Variants in CFAP299 observed in about 807,000 individuals in gnomAD.
CFAP299 encodes the protein cilia- and flagella-associated protein 299.
Under a neutral mutation model 27.0 loss-of-function variants are expected in CFAP299, and 21 were observed. The ratio of observed to expected loss-of-function variants is 0.78; its 90% confidence interval spans 0.55 to 1.12. The LOEUF is 1.12. Among genes scored for constraint, CFAP299 ranks in the 50% most tolerant of loss-of-function variants. CFAP299 has a pLI of 0.00. For synonymous variants in CFAP299, 104 were observed against 98.1 expected (o/e 1.06, Z -0.36); for missense variants, 310 against 276.6 (o/e 1.12, Z -0.86).
Position 80,640,218 on chromosome 4 carries a change from C to T in CFAP299, c.333+57035C>T, listed in dbSNP as rs552062941. Reference sequence around the variant, plus strand: ...CTGCCCAGGAGTTATGGCTATGAAGCCGGCTCTGATTTACAACATGCTGGG... The same window carrying T: ...CTGCCCAGGAGTTATGGCTATGAAGTCGGCTCTGATTTACAACATGCTGGG... On this transcript the variant is annotated intron_variant, in intron 3 of 5. Coordinates refer to ENST00000358105, the MANE Select transcript of CFAP299 (RefSeq NM_152770.3). Among the ~76,000 whole-genome samples, 4 of 152,232 alleles carry T rather than the reference C, an allele frequency of 2.6e-5. No individual in the cohort carries two copies. The South Asian group carries it at 8.3e-4, about 32-fold the overall frequency.
rs568362601 is a variant in CFAP299, at chr4:80,446,961, T to A, written c.242+84077T>A. On this transcript the variant is annotated intron_variant, in intron 2 of 5. Transcript: ENST00000358105. The stretch of plus-strand genomic sequence containing the variant: ...TAAGTAAGCATCATGGTTCAGGAAT[T>A]TTTTTTTACATAATCTCAATCAACA... Among the ~76,000 whole-genome samples the A allele has an allele frequency of 4.0e-5, 6 of 151,884 alleles. No homozygotes were observed. The East Asian group carries it at 1.2e-3, about 29-fold the overall frequency.
intron 4 of CFAP299, among the ~76,000 whole-genome samples, chr4:80,912,901 G>A (rs894808057): frequency 4.6e-5 from 7 of 152,250 alleles, no homozygotes; most frequent in Middle Eastern, 3.4e-3. Context: ...TCAAAAACAG[G>A]AGTGCGGAAT....
intron 2 of CFAP299, among the ~76,000 whole-genome samples, chr4:80,514,842 A>C (rs539214082): frequency 6.6e-6 from 1 of 152,206 alleles, no homozygotes; most frequent in East Asian, 1.9e-4. Flanking sequence ...AAATTTCTGG[A>C]ATAAGTAAAA....
At chr4:80,380,846 C>CCAG (rs1207842333) in intron 2 of CFAP299, among the ~76,000 whole-genome samples, 1 of 152,094 alleles carries the variant, frequency 6.6e-6, no homozygotes, top group Non-Finnish European at 1.5e-5. Context: ...TTTACTTGAC[C>CCAG]TCTGCTACTG....
intron 2 of CFAP299, among the ~76,000 whole-genome samples, chr4:80,547,915 A>G (rs537264887): frequency 6.6e-6 from 1 of 152,290 alleles, no homozygotes; most frequent in East Asian, 1.9e-4. Context: ...GAACACCTAT[A>G]CTCTGCTGGT....
At chr4:80,808,030 T>TA (rs34491955) in intron 3 of CFAP299, among the ~76,000 whole-genome samples, 29,685 of 146,764 alleles carry the variant, frequency 0.2, 4,154 homozygotes, top group African/African-American at 0.4. Context: ...AGTGAAGAGT[T>TA]AAAAAAAAAA....
At chr4:80,838,926 T>C (rs1163103269) in intron 3 of CFAP299, among the ~76,000 whole-genome samples, 2 of 152,170 alleles carry the variant, frequency 1.3e-5, no homozygotes, top group Non-Finnish European at 2.9e-5. Context: ...CTTGAATTCA[T>C]CAAAATCCAT....
chr4:80,337,585 A>G (rs1841013), intron 1 of CFAP299, among the ~76,000 whole-genome samples: 98,435 of 151,602 alleles, frequency 0.65, 32,642 homozygotes, highest in Non-Finnish European at 0.72. Context: ...TTTAGCAGAG[A>G]CAGGGTTTCA....
At chr4:80,417,334 G>C (rs36027051) in intron 2 of CFAP299, among the ~76,000 whole-genome samples, 9,847 of 152,118 alleles carry the variant, frequency 0.065, 366 homozygotes, top group South Asian at 0.17. Context: ...TTTATGACCT[G>C]TATCTTTTGC....
intron 3 of CFAP299, among the ~76,000 whole-genome samples, chr4:80,751,513 T>C (rs1223851387): frequency 1.3e-5 from 2 of 152,030 alleles, no homozygotes; most frequent in Admixed American, 6.5e-5. Flanking sequence ...GCCCCAGCCA[T>C]AGAACCATAG....
At chr4:80,567,748 T>C (rs1578610542) in intron 2 of CFAP299, among the ~76,000 whole-genome samples, 1 of 132,444 alleles carries the variant, frequency 7.6e-6, no homozygotes, top group Admixed American at 7.8e-5. Flanking sequence ...TATATATATA[T>C]ATAAGTACAT....
chr4:80,835,245 G>A (rs1010965379), intron 3 of CFAP299, among the ~76,000 whole-genome samples: 2 of 151,968 alleles, frequency 1.3e-5, no homozygotes, highest in African/African-American at 2.4e-5. Flanking sequence ...GACTACAGGC[G>A]CCCGTCACCA....
chr4:80,779,769 T>A (rs1380448231), intron 3 of CFAP299, among the ~76,000 whole-genome samples: 1 of 152,036 alleles, frequency 6.6e-6, no homozygotes, highest in Non-Finnish European at 1.5e-5. Context: ...CACTGTTGTG[T>A]CTTCTCAATC....
intron 2 of CFAP299, among the ~76,000 whole-genome samples, chr4:80,365,936 G>A (rs78031279): frequency 0.072 from 10,989 of 152,232 alleles, 1,180 homozygotes; most frequent in African/African-American, 0.24. Flanking sequence ...GGCTACTTAT[G>A]AGCCAGTTTT....
At chr4:80,640,183 G>T (rs953388055) in intron 3 of CFAP299, among the ~76,000 whole-genome samples, 22 of 152,162 alleles carry the variant, frequency 1.4e-4, no homozygotes, top group Admixed American at 2.6e-4. Context: ...AGTTCATGTT[G>T]CTGGTGTGAC....
chr4:80,690,382 A>G (rs1720582091), intron 3 of CFAP299, among the ~76,000 whole-genome samples: 1 of 152,250 alleles, frequency 6.6e-6, no homozygotes, highest in Non-Finnish European at 1.5e-5. Context: ...ACTCAGGATT[A>G]AGAAACTCAC....
At chr4:80,810,064 C>T (rs1299962544) in intron 3 of CFAP299, among the ~76,000 whole-genome samples, 4 of 151,962 alleles carry the variant, frequency 2.6e-5, no homozygotes, top group African/African-American at 4.8e-5. Flanking sequence ...CATAAGTAAA[C>T]ACTAAAAATT....
chr4:80,693,627 C>A (rs1189844346), intron 3 of CFAP299, among the ~76,000 whole-genome samples: 4 of 151,122 alleles, frequency 2.6e-5, no homozygotes, highest in Admixed American at 6.6e-5. Context: ...ACCAGCATGG[C>A]ACATGTATAC....
At chr4:80,503,722 C>A (rs1326987897) in intron 2 of CFAP299, among the ~76,000 whole-genome samples, 1 of 152,146 alleles carries the variant, frequency 6.6e-6, no homozygotes, top group African/African-American at 2.4e-5. Flanking sequence ...TATCTTCCAC[C>A]ATTTTCAGGC....
Sources: allele counts gnomAD v4.1 joint callset (sites outside exome capture counted in the v4.1 genomes callset), GRCh38; gene constraint gnomAD v4.1.1; transcripts MANE v1.5; gene names NCBI Gene and HGNC (gene_info 2026-07-23, HGNC 2026-07-21).